ZNF506: variants seen among roughly 807,000 people sequenced by gnomAD.
The protein encoded by ZNF506 is zinc finger protein 506.
ZNF506 carries 10 observed loss-of-function variants against 11.6 expected under a neutral mutation model. The ratio of observed to expected loss-of-function variants is 0.86; its 90% confidence interval spans 0.53 to 1.46. The LOEUF is 1.46. Ranked by LOEUF, ZNF506 falls within the 40% of genes most tolerant of loss-of-function variation. The probability of loss-of-function intolerance (pLI) is 0.00; values close to 1 mark genes in which losing one functional copy is unlikely to be tolerated. For synonymous variants in ZNF506, 156 were observed against 173.3 expected, an observed-to-expected ratio of 0.90 and a Z score of 0.78; for missense variants, 425 against 521.2, an observed-to-expected ratio of 0.82 and a Z score of 1.80.
In ZNF506 at chr19:19,793,775, CAA is replaced by C. The variant is rs1276488314; in HGVS notation, c.*775_*776del. The C allele has an allele frequency of 6.6e-6, 1 of 152,216 alleles. No homozygotes were observed. Among genetic ancestry groups the C allele is most frequent in the Non-Finnish European group, 1.5e-5 (1 of 68,046 alleles). 9.4% of individuals were successfully genotyped at this position (152,216 alleles called of 1,614,324 possible). ...TCCTGTGAAATAAGGTGTAAGCACT[CAA>C]AAGTTTTGCCACATTCTTCACACTT... On this transcript the variant is annotated 3_prime_UTR_variant, in exon 4 of 4. Coordinates refer to ENST00000540806, the MANE Select transcript of ZNF506 (RefSeq NM_001099269.3).
intron 3 of ZNF506, chr19:19,796,218 T>C (rs567934199): frequency 8.4e-4 from 129 of 153,972 alleles, no homozygotes; most frequent in Non-Finnish European, 2.5e-4. Context: ...GAGGCAGAGA[T>C]TGTAGTGAGC....
At chr19:19,817,124 C>T (rs1020041517) in intron 1 of ZNF506, among the ~76,000 whole-genome samples, 6 of 147,124 alleles carry the variant, frequency 4.1e-5, no homozygotes, top group African/African-American at 1.6e-4. Context: ...CTTAATCAAA[C>T]TTAAGTTTAT....
intron 3 of ZNF506, among the ~76,000 whole-genome samples, chr19:19,803,839 G>A (rs1044023542): frequency 1.3e-5 from 2 of 152,154 alleles, no homozygotes; most frequent in Non-Finnish European, 2.9e-5. Context: ...CTGGAAGTAT[G>A]TGGCAGAAGA....
chr19:19,816,309 G>T (rs767792792), intron 1 of ZNF506, among the ~76,000 whole-genome samples: 1 of 151,216 alleles, frequency 6.6e-6, no homozygotes, highest in South Asian at 2.1e-4. Context: ...TCAGCTTCCC[G>T]AGTCGCTGGG....
intron 1 of ZNF506, among the ~76,000 whole-genome samples, chr19:19,817,806 C>T (rs966088280): frequency 1.1e-4 from 17 of 148,876 alleles, no homozygotes; most frequent in African/African-American, 3.0e-4. Context: ...ACAGTGTTTA[C>T]GTAAGGGAAG....
intron 1 of ZNF506, among the ~76,000 whole-genome samples, chr19:19,813,031 G>T (rs2062894928): frequency 6.6e-6 from 1 of 152,146 alleles, no homozygotes; most frequent in African/African-American, 2.4e-5. Context: ...TTTTGATGAA[G>T]AAATAGAATC....
intron 3 of ZNF506, among the ~76,000 whole-genome samples, chr19:19,805,778 T>C (rs578246225): frequency 6.6e-6 from 1 of 152,132 alleles, no homozygotes; most frequent in Non-Finnish European, 1.5e-5. Flanking sequence ...ACTTTGGCTC[T>C]CAGTGTGAAC....
chr19:19,816,442 C>G lies in ZNF506; in HGVS notation c.3+5159G>C, dbSNP rs147523837. On this transcript the variant is annotated intron_variant, in intron 1 of 3. Transcript: ENST00000540806. The stretch of plus-strand genomic sequence containing the variant: ...GTGCGATCTCAGCTCACTGCAAGCT[C>G]CATCTCCCGGGTTCACACCATTCTC... Among the ~76,000 whole-genome samples the G allele has an allele frequency of 2.0e-3, 312 of 152,334 alleles. 3 individuals carry two copies. Among genetic ancestry groups the G allele is most frequent in the African/African-American group, 7.1e-3 (297 of 41,568 alleles).
chr19:19,805,077 G>A (rs1307523887), intron 3 of ZNF506, among the ~76,000 whole-genome samples: 2 of 151,820 alleles, frequency 1.3e-5, no homozygotes, highest in African/African-American at 2.4e-5. Context: ...GAACTTAAAA[G>A]TGTAATTAAA....
chr19:19,814,519 CA>C (rs1465336759), intron 1 of ZNF506, among the ~76,000 whole-genome samples: 2 of 151,674 alleles, frequency 1.3e-5, no homozygotes, highest in Non-Finnish European at 2.9e-5. Context: ...AAGAGGAGAA[CA>C]AAAGACACTG....
chr19:19,794,576 A>C lies in ZNF506; in HGVS notation c.1311T>G (p.Pro437=). The C allele has an allele frequency of 1.9e-6, 3 of 1,600,428 alleles. No individual in the cohort carries two copies. In the South Asian group the frequency reaches 3.4e-5, roughly 18 times the overall value. Residue 437 remains proline (P), a synonymous_variant, in exon 4 of 4, where the codon CCT becomes CCG. Transcript: ENST00000540806. ...VKNVENLLNV[P]QPLISIR The stretch of plus-strand genomic sequence containing the variant: ...ATTATCTTATGCTTATTAAGGGTTG[A>C]GGAACATTTAAAAGATTTTCCACAT...
rs2062826663 is a variant in ZNF506 at position 19,805,201 on chromosome 19, T to A, written c.226+830A>T. Reference sequence around the variant, plus strand: ...TCTATGGTTTCATACAGTTTAACTATCTGATAAAATAAAGAAAAAATCTTA... The same window carrying A: ...TCTATGGTTTCATACAGTTTAACTAACTGATAAAATAAAGAAAAAATCTTA... On this transcript the variant is annotated intron_variant, in intron 3 of 3. Transcript: ENST00000540806. 2.0e-5 allele frequency among the ~76,000 whole-genome samples: 3 copies of A among 151,898 alleles called. No individual in the cohort carries two copies. In the South Asian group the frequency reaches 6.2e-4, roughly 31 times the overall value.
chr19:19,794,516 A>G lies in ZNF506; in HGVS notation c.*36T>C. ...CAGGGCTAGTTAAAGGCTTTCCCAC[A>G]TTCATCACATTCATACGGTTTCTCT... On this transcript the variant is annotated 3_prime_UTR_variant, in exon 4 of 4. Coordinates refer to ENST00000540806, the MANE Select transcript of ZNF506 (RefSeq NM_001099269.3). 1 of 1,545,744 alleles carries G rather than the reference A, an allele frequency of 6.5e-7. No homozygotes were observed. Among genetic ancestry groups the G allele is most frequent in the East Asian group, 2.2e-5 (1 of 44,514 alleles).
intron 1 of ZNF506, among the ~76,000 whole-genome samples, chr19:19,818,686 TAATAA>T (rs1804937686): frequency 6.6e-6 from 1 of 152,212 alleles, no homozygotes; most frequent in African/African-American, 2.4e-5. Flanking sequence ...CAAGCCCTAC[TAATAA>T]AATGCAAATT....
Position 19,821,708 on chromosome 19 carries a change from A to G in ZNF506, c.-105T>C. On this transcript the variant is annotated 5_prime_UTR_variant, in exon 1 of 4. Coordinates refer to ENST00000540806, the MANE Select transcript of ZNF506 (RefSeq NM_001099269.3). ...CCTCTAGGAGCTGACGGCACAGAGC[A>G]GTGAAGACGATAGCTGGATCTCTGG... 3 of 1,429,186 alleles carry G rather than the reference A, an allele frequency of 2.1e-6. No homozygotes were observed. Among genetic ancestry groups the G allele is most frequent in the Non-Finnish European group, 3.0e-6 (3 of 1,014,456 alleles). 88.5% of individuals were successfully genotyped at this position (1,429,186 alleles called of 1,614,324 possible). A position where few individuals can be genotyped will look rare whatever the true frequency, so the allele number is the denominator to read the frequency against.
rs1193340667 is a variant in ZNF506, at chr19:19,795,414, GA to G, written c.472del (p.Ser158GlnfsTer8). On this transcript the variant is annotated frameshift_variant, in exon 4 of 4. Coordinates refer to ENST00000540806, the MANE Select transcript of ZNF506 (RefSeq NM_001099269.3). LOFTEE classifies it low-confidence loss of function (END_TRUNC). ...TCTTATCTTATGTTTGTTTGAATTTGAAAATTTATGCAAGAATTTCACATAT... is the reference window on the plus strand; with the variant it reads ...TCTTATCTTATGTTTGTTTGAATTTGAAATTTATGCAAGAATTTCACATAT... The part of the protein sequence containing the change: ...DEYVKFLHKF[S>X]NSNKHKIRDT... 2 of 1,593,244 alleles carry G rather than the reference GA, an allele frequency of 1.3e-6. No individual in the cohort carries two copies. The highest frequency in any genetic ancestry group is 1.7e-6 in the Non-Finnish European group (2 of 1,173,548).
In ZNF506 at chr19:19,821,626, G is replaced by A; in HGVS notation, c.-23C>T. Reference sequence around the variant, plus strand: ...CATTTCTAGGCTTCCAGGGGGTCCCGGCGTCCTAGCTGTGACCCTCCTAAT... The same window carrying A: ...CATTTCTAGGCTTCCAGGGGGTCCCAGCGTCCTAGCTGTGACCCTCCTAAT... On this transcript the variant is annotated 5_prime_UTR_variant, in exon 1 of 4. Transcript: ENST00000540806. 1.9e-6 allele frequency: 3 copies of A among 1,613,916 alleles called. No individual in the cohort carries two copies. The highest frequency in any genetic ancestry group is 1.7e-6 in the Non-Finnish European group (2 of 1,179,864).
At chr19:19,820,806 T>G (rs1364618642) in intron 1 of ZNF506, 2 of 152,316 alleles carry the variant, frequency 1.3e-5, no homozygotes, top group African/African-American at 4.8e-5. Context: ...GCCCCTCCCA[T>G]GGACTACAAA....
At position 19,795,300 on chromosome 19, in the gene ZNF506, G is replaced by T. The variant is rs1194356832; in HGVS notation, c.587C>A (p.Ala196Asp). 1.2e-6 allele frequency: 2 copies of T among 1,613,826 alleles called. No individual in the cohort carries two copies. Among genetic ancestry groups the T allele is most frequent in the Middle Eastern group, 1.6e-4 (1 of 6,082 alleles). ...STRTTYKKIDAGEKRYKCEEC... is the reference protein window; with the variant it reads ...STRTTYKKIDDGEKRYKCEEC... Reference sequence around the variant, plus strand: ...TTCACATTTATAGCGTTTCTCTCCAGCATCAATTTTCTTATATGTAGTACG... The same window carrying T: ...TTCACATTTATAGCGTTTCTCTCCATCATCAATTTTCTTATATGTAGTACG... The change falls in exon 4 of 4, where the codon GCT (alanine) becomes GAT (aspartate). Residue 196 changes from alanine (A) to aspartate (D), a missense_variant. Transcript: ENST00000540806.
Sources: allele counts gnomAD v4.1 joint callset (sites outside exome capture counted in the v4.1 genomes callset), GRCh38; gene constraint gnomAD v4.1.1; transcripts MANE v1.5; gene names NCBI Gene and HGNC (gene_info 2026-07-23, HGNC 2026-07-21).